The following CNTNAP2 variants were observed in gnomAD, a reference collection of about 807,000 sequenced individuals.
CNTNAP2 encodes contactin associated protein 2.
In CNTNAP2, 98 loss-of-function variants were observed where a neutral mutation model predicts 155.2. That is an observed-to-expected ratio of 0.63 (90% confidence interval 0.54 to 0.75). The LOEUF is 0.75. Ranked by LOEUF, CNTNAP2 falls within the 30% of genes least tolerant of loss-of-function variation. CNTNAP2 has a pLI of 0.00. For missense variants in CNTNAP2, 1,727 were observed against 1,688.1 expected (o/e 1.02, Z -0.40); for synonymous variants, 651 against 631.2 (o/e 1.03, Z -0.47).
At chr7:148,214,162 A>G (rs1415071938) in intron 18 of CNTNAP2, among the ~76,000 whole-genome samples, 3 of 151,834 alleles carry the variant, frequency 2.0e-5, no homozygotes, top group Admixed American at 2.0e-4. Context: ...TCCTGCACTT[A>G]CCCCTCTGCA....
At chr7:147,475,401 A>C (rs1798301099) in intron 10 of CNTNAP2, among the ~76,000 whole-genome samples, 1 of 152,120 alleles carries the variant, frequency 6.6e-6, no homozygotes, top group South Asian at 2.1e-4. Flanking sequence ...TTGAAATTTA[A>C]TTTGGGCTGC....
At chr7:146,510,626 T>A (rs1797451409) in intron 1 of CNTNAP2, among the ~76,000 whole-genome samples, 1 of 152,200 alleles carries the variant, frequency 6.6e-6, no homozygotes, top group South Asian at 2.1e-4. Context: ...ATATGGGATA[T>A]CTTTCCATTT....
intron 11 of CNTNAP2, among the ~76,000 whole-genome samples, chr7:147,507,781 G>C (rs887536671): frequency 1.3e-5 from 2 of 151,904 alleles, no homozygotes; most frequent in Non-Finnish European, 2.9e-5. Flanking sequence ...TTGATCTCCT[G>C]ACCTCGTGAT....
In CNTNAP2 at chr7:148,172,629, AC is replaced by A. The variant is rs1794843155; in HGVS notation, c.3010+153del. The A allele has an allele frequency of 5.1e-6, 4 of 789,012 alleles. No homozygotes were observed. In the East Asian group the frequency reaches 9.9e-5, roughly 19 times the overall value. The allele number at this position is 789,012 out of a possible 1,614,324, so 48.9% of individuals were successfully genotyped here. A position where few individuals can be genotyped will look rare whatever the true frequency, so the allele number is the denominator to read the frequency against. On this transcript the variant is annotated intron_variant, in intron 18 of 23. Transcript: ENST00000361727. ...TCTCAACTTAGGTAGGAATTTTCCA[AC>A]CAAAATCATTTCCTAATCATTTTTG...
chr7:148,172,246 T>C lies in CNTNAP2; in HGVS notation c.2778T>C (p.Gly926=). The change falls in exon 18 of 24, where the codon GGT becomes GGC. Residue 926 remains glycine (G), a synonymous_variant. Coordinates refer to ENST00000361727, the MANE Select transcript of CNTNAP2 (RefSeq NM_014141.6). ...LELYSQLFVG[G]AGGQQGFLGC... ...TGTGCCTTCTGTCATTCCCAGGTGG[T>C]GCTGGGGGCCAGCAGGGCTTCCTGG... The C allele has an allele frequency of 1.2e-6, 2 of 1,613,764 alleles. No individual in the cohort carries two copies. The highest frequency in any genetic ancestry group is 1.7e-6 in the Non-Finnish European group (2 of 1,179,964).
chr7:146,314,687 TG>T (rs1800879820), intron 1 of CNTNAP2, among the ~76,000 whole-genome samples: 1 of 152,070 alleles, frequency 6.6e-6, no homozygotes, highest in Admixed American at 6.6e-5. Flanking sequence ...CTGTAAAAGT[TG>T]AAGTATTTGA....
At chr7:148,214,118 C>T (rs1795596751) in intron 18 of CNTNAP2, among the ~76,000 whole-genome samples, 1 of 152,228 alleles carries the variant, frequency 6.6e-6, no homozygotes, top group Non-Finnish European at 1.5e-5. Context: ...TCTTCCACCA[C>T]CCCTGTGTTC....
intron 4 of CNTNAP2, among the ~76,000 whole-genome samples, chr7:147,076,308 G>A (rs1800000471): frequency 6.6e-6 from 1 of 152,090 alleles, no homozygotes; most frequent in African/African-American, 2.4e-5. Flanking sequence ...TTCCTGACTT[G>A]TTAATGAACA....
intron 4 of CNTNAP2, among the ~76,000 whole-genome samples, chr7:147,083,541 T>TATATATGTATATATATATATATACAC (rs1450957653): frequency 3.9e-5 from 5 of 129,218 alleles, no homozygotes; most frequent in Non-Finnish European, 7.7e-5. Flanking sequence ...TATATACATA[T>TATATATGTATATATATATATATACAC]ATATATATGT....
At chr7:147,717,854 C>G (rs561322115) in intron 13 of CNTNAP2, among the ~76,000 whole-genome samples, 2 of 151,784 alleles carry the variant, frequency 1.3e-5, no homozygotes, top group Non-Finnish European at 2.9e-5. Context: ...GCACTCCAGC[C>G]TGGGCAACAG....
chr7:146,753,032 T>TTA (rs1801933062), intron 1 of CNTNAP2, among the ~76,000 whole-genome samples: 1 of 152,156 alleles, frequency 6.6e-6, no homozygotes, highest in African/African-American at 2.4e-5. Flanking sequence ...AGCCTGACTT[T>TTA]TATGGATTCA....
chr7:146,951,246 C>T (rs1797307643), intron 3 of CNTNAP2, among the ~76,000 whole-genome samples: 1 of 152,086 alleles, frequency 6.6e-6, no homozygotes, highest in African/African-American at 2.4e-5. Flanking sequence ...CTACAGGTTG[C>T]CTGTTCACTC....
intron 1 of CNTNAP2, among the ~76,000 whole-genome samples, chr7:146,336,874 T>A (rs949501188): frequency 1.3e-5 from 2 of 152,146 alleles, no homozygotes; most frequent in Admixed American, 1.3e-4. Flanking sequence ...CACAACCTTC[T>A]TGAAATAAAG....
At chr7:148,055,764 GAAGGAAAAGCATTGCAGT>G (rs1802995654) in intron 15 of CNTNAP2, among the ~76,000 whole-genome samples, 1 of 151,926 alleles carries the variant, frequency 6.6e-6, no homozygotes, top group Non-Finnish European at 1.5e-5. Flanking sequence ...TTGCAGTTAA[GAAGGAAAAGCATTGCAGT>G]AGAGACTAGT....
chr7:147,690,549 A>T (rs997181827), intron 13 of CNTNAP2, among the ~76,000 whole-genome samples: 2 of 152,032 alleles, frequency 1.3e-5, no homozygotes, highest in African/African-American at 4.8e-5. Flanking sequence ...GTAACAAAAA[A>T]GGTATCCACA....
chr7:146,389,486 A>T (rs1795508560), intron 1 of CNTNAP2, among the ~76,000 whole-genome samples: 2 of 150,610 alleles, frequency 1.3e-5, no homozygotes. Flanking sequence ...TTCTTTCTGG[A>T]AATTTTCCTC....
intron 3 of CNTNAP2, among the ~76,000 whole-genome samples, chr7:146,878,263 T>A (rs953735473): frequency 2.6e-5 from 4 of 152,126 alleles, no homozygotes; most frequent in Admixed American, 6.6e-5. Flanking sequence ...GTCCTTGATC[T>A]TCTTCTTCCA....
At chr7:146,200,509 TACACACACACAGAC>T (rs1262624221) in intron 1 of CNTNAP2, among the ~76,000 whole-genome samples, 12 of 110,598 alleles carry the variant, frequency 1.1e-4, no homozygotes, top group Non-Finnish European at 1.9e-5. Flanking sequence ...TATATATATA[TACACACACACAGAC>T]ACACACACAC....
intron 14 of CNTNAP2, among the ~76,000 whole-genome samples, chr7:147,914,015 T>A (rs943509018): frequency 1.3e-5 from 2 of 151,434 alleles, no homozygotes; most frequent in African/African-American, 4.9e-5. Flanking sequence ...TTAAAAAAAA[T>A]ATATGTTCTA....
Sources: gnomAD v4.1 joint callset for allele counts (sites outside exome capture counted in the v4.1 genomes callset) on GRCh38, gnomAD v4.1.1 for gene constraint, MANE v1.5 for transcripts, NCBI Gene and HGNC (gene_info 2026-07-23, HGNC 2026-07-21) for gene names.